Variants in DENND1A observed in about 807,000 individuals in gnomAD.
The protein encoded by DENND1A is DENN domain containing 1A.
DENND1A carries 51 observed loss-of-function variants against 113.7 expected under a neutral mutation model. That is an observed-to-expected ratio of 0.45 (90% CI 0.36 to 0.57). The LOEUF (loss-of-function observed/expected upper bound fraction) is 0.57, where lower values mean the gene tolerates loss of function less well. DENND1A is among the 20% of genes least tolerant of loss of function. The pLI is 0.00. For missense variants in DENND1A, 1,258 were observed against 1,395.9 expected (o/e 0.90, Z 1.57); for synonymous variants, 565 against 570.8 (o/e 0.99, Z 0.14).
At chr9:123,615,656 G>T (rs1017753191) in intron 10 of DENND1A, among the ~76,000 whole-genome samples, 1 of 152,154 alleles carries the variant, frequency 6.6e-6, no homozygotes, top group Non-Finnish European at 1.5e-5. Context: ...CTCTCAGATT[G>T]CCCAGTGGTG....
At chr9:123,483,570 C>T (rs923180056) in intron 13 of DENND1A, among the ~76,000 whole-genome samples, 2 of 152,358 alleles carry the variant, frequency 1.3e-5, no homozygotes, top group Admixed American at 6.5e-5. Flanking sequence ...CATGCACACA[C>T]CAAGTCTGCC....
At chr9:123,928,975 G>A in intron 1 of DENND1A, 1 of 892,910 alleles carries the variant, frequency 1.1e-6, no homozygotes, top group Non-Finnish European at 1.3e-6. Context: ...ACATTTGTTA[G>A]TAATTAGAGA....
In DENND1A at chr9:123,537,810, A is replaced by C. The variant is rs564106510; in HGVS notation, c.993+19760T>G. Among the ~76,000 whole-genome samples the C allele has an allele frequency of 6.6e-5, 10 of 152,402 alleles. No homozygotes were observed. In the South Asian group the frequency reaches 2.1e-3, roughly 32 times the overall value. On this transcript the variant is annotated intron_variant, in intron 13 of 23. Transcript: ENST00000394215. ...TGTATGAGCCAAGGATCTTCCATCCAGCAAAACTGACTTACATGTTTAAAG... is the reference window on the plus strand; with the variant it reads ...TGTATGAGCCAAGGATCTTCCATCCCGCAAAACTGACTTACATGTTTAAAG...
Position 123,539,374 on chromosome 9 carries a change from A to G in DENND1A, c.993+18196T>C, listed in dbSNP as rs1461657336. Among the ~76,000 whole-genome samples, 4 of 152,208 alleles carry G rather than the reference A, an allele frequency of 2.6e-5. No individual in the cohort carries two copies. The South Asian group carries it at 6.2e-4, about 24-fold the overall frequency. Reference sequence around the variant, plus strand: ...AATGAAAGGGGTGGAGGAGGAACCTATAAGTTGAAAGAGAATTAAAAGTCA... The same window carrying G: ...AATGAAAGGGGTGGAGGAGGAACCTGTAAGTTGAAAGAGAATTAAAAGTCA... On this transcript the variant is annotated intron_variant, in intron 13 of 23. Coordinates refer to ENST00000394215, the MANE Select transcript of DENND1A (RefSeq NM_001352964.2).
At chr9:123,662,083 G>A (rs989734000) in intron 8 of DENND1A, among the ~76,000 whole-genome samples, 9 of 152,112 alleles carry the variant, frequency 5.9e-5, no homozygotes, top group Non-Finnish European at 7.4e-5. Context: ...GTAGCAAGGC[G>A]CATCACTGCA....
chr9:123,861,861 A>G (rs1164042802), intron 2 of DENND1A, among the ~76,000 whole-genome samples: 2 of 152,190 alleles, frequency 1.3e-5, no homozygotes, highest in Admixed American at 6.5e-5. Context: ...CAAGACATTG[A>G]CAGCCAAGAC....
chr9:123,466,997 G>A (rs941429065), intron 13 of DENND1A, among the ~76,000 whole-genome samples: 1 of 152,084 alleles, frequency 6.6e-6, no homozygotes, highest in East Asian at 1.9e-4. Context: ...CCTGCAGTGA[G>A]CCGTGATCAC....
Position 123,819,754 on chromosome 9 carries a change from T to A in DENND1A, c.89-27124A>T, listed in dbSNP as rs534109363. On this transcript the variant is annotated intron_variant, in intron 2 of 23. Transcript: ENST00000394215. ...GGTTTCACCATGTTGTCCACGCTGG[T>A]CTCAAACTCCTGGCCTCAGGTGATC... 2.6e-4 allele frequency among the ~76,000 whole-genome samples: 39 copies of A among 152,260 alleles called. No homozygotes were observed. In the East Asian group the frequency reaches 6.2e-3, roughly 24 times the overall value.
At chr9:123,721,267 C>T (rs73667908) in intron 5 of DENND1A, among the ~76,000 whole-genome samples, 11,527 of 152,280 alleles carry the variant, frequency 0.076, 895 homozygotes, top group African/African-American at 0.2. Context: ...CTGTGAGGTC[C>T]TTGCTCTCTG....
chr9:123,382,751 G>A (rs910615742), intron 23 of DENND1A, 126 bp from the exon 24 acceptor site: 107 of 1,045,850 alleles, frequency 1.0e-4, no homozygotes, highest in Non-Finnish European at 1.4e-4. Flanking sequence ...TCAGCTCCTC[G>A]GACTTGGAAC....
intron 9 of DENND1A, among the ~76,000 whole-genome samples, chr9:123,646,677 G>A (rs1051280675): frequency 1.3e-5 from 2 of 151,988 alleles, no homozygotes; most frequent in African/African-American, 4.8e-5. Context: ...CCTACCGTAC[G>A]AGATATTTAA....
intron 7 of DENND1A, among the ~76,000 whole-genome samples, chr9:123,670,890 T>C (rs560623690): frequency 6.6e-6 from 1 of 152,162 alleles, no homozygotes; most frequent in South Asian, 2.1e-4. Context: ...GGAGAGGCAA[T>C]GTTGAAAGCT....
chr9:123,609,315 G>A (rs1040113303), intron 11 of DENND1A, 121 bp downstream of exon 11: 11 of 1,052,942 alleles, frequency 1.0e-5, no homozygotes, highest in East Asian at 2.5e-5. Flanking sequence ...ACGCTGGGAG[G>A]TGCTGCTTCA....
At chr9:123,481,357 G>A (rs545016337) in intron 13 of DENND1A, among the ~76,000 whole-genome samples, 2 of 152,362 alleles carry the variant, frequency 1.3e-5, no homozygotes, top group African/African-American at 2.4e-5. Flanking sequence ...ATAGCAACAC[G>A]TGGAAACAAG....
intron 11 of DENND1A, among the ~76,000 whole-genome samples, chr9:123,604,173 A>G (rs2060048982): frequency 6.6e-6 from 1 of 152,156 alleles, no homozygotes; most frequent in Admixed American, 6.5e-5. Context: ...CGGAGGCTGA[A>G]CTACTCATAT....
chr9:123,411,603 A>C (rs752003195), intron 20 of DENND1A, 173 bp downstream of exon 20: 1 of 230,820 alleles, frequency 4.3e-6, no homozygotes, highest in African/African-American at 2.3e-5. Context: ...AAGCAAGAGA[A>C]GCCCAGAGAA....
intron 13 of DENND1A, among the ~76,000 whole-genome samples, chr9:123,489,160 T>G (rs527693164): frequency 6.6e-6 from 1 of 152,162 alleles, no homozygotes; most frequent in South Asian, 2.1e-4. Flanking sequence ...CTAGCTCGAA[T>G]GGAGGGGACT....
chr9:123,675,831 A>T (rs1564928929), intron 6 of DENND1A, among the ~76,000 whole-genome samples: 1 of 152,232 alleles, frequency 6.6e-6, no homozygotes, highest in Admixed American at 6.5e-5. Context: ...CAAATGTTTT[A>T]AAAATGTTTA....
chr9:123,763,632 G>A (rs143940530), intron 4 of DENND1A, among the ~76,000 whole-genome samples: 43 of 152,168 alleles, frequency 2.8e-4, no homozygotes, highest in African/African-American at 9.2e-4. Context: ...CTTAGGGAGG[G>A]AGTTCAGAGA....
Sources: allele counts gnomAD v4.1 joint callset (sites outside exome capture counted in the v4.1 genomes callset), GRCh38; gene constraint gnomAD v4.1.1; transcripts MANE v1.5; gene names NCBI Gene and HGNC (gene_info 2026-07-23, HGNC 2026-07-21).